PRSS53: variants seen among roughly 807,000 people sequenced by gnomAD.
The protein encoded by PRSS53 is EDTP308.
Under a neutral mutation model 62.7 loss-of-function variants are expected in PRSS53, and 54 were observed. The ratio of observed to expected loss-of-function variants is 0.86; its 90% CI spans 0.69 to 1.08. The LOEUF is 1.08. Among genes scored for constraint, PRSS53 ranks in the 50% least tolerant of loss-of-function variants. PRSS53 has a pLI of 0.00. For missense variants in PRSS53, 688 were observed against 728.3 expected (o/e 0.94, Z 0.64); for synonymous variants, 273 against 300.0 (o/e 0.91, Z 0.93).
exon 4 of PRSS53, chr16:31,086,819 C>G: frequency 4.3e-6 from 7 of 1,613,752 alleles, no homozygotes; most frequent in Non-Finnish European, 5.9e-6. Flanking sequence ...ACCCCCACCT[C>G]TTCGGCCCCA....
chr16:31,086,434 C>CA lies in PRSS53; in HGVS notation c.565dup (p.Cys189LeufsTer46). 6.2e-7 allele frequency: 1 copy of CA among 1,613,534 alleles called. No homozygotes were observed. Among genetic ancestry groups the CA allele is most frequent in the South Asian group, 1.1e-5 (1 of 91,082 alleles). On this transcript the variant is annotated frameshift_variant, in exon 5 of 11. Transcript: ENST00000280606. LOFTEE classifies it high-confidence loss of function. Reference sequence around the variant, plus strand: ...TCGCTGGTGCAGCTGGTTGTAGATACAGTTACATGTGGGGCGACTGATGAG... The same window carrying CA: ...TCGCTGGTGCAGCTGGTTGTAGATACAAGTTACATGTGGGGCGACTGATGAG...
At chr16:31,088,266 C>T in intron 1 of PRSS53, 1 of 1,136,470 alleles carries the variant, frequency 8.8e-7, no homozygotes, top group Non-Finnish European at 1.1e-6. Flanking sequence ...GGAGACTTAC[C>T]TCACCCTGGT....
rs1051052208 is a variant in PRSS53 at position 31,086,848 on chromosome 16, T to G, written c.293A>C (p.Gln98Pro). Reference sequence around the variant, plus strand: ...GGCCCCAGGGCTGAGTCCCTCACGCTGCAGAGAACCCAGGACCACTGACCA... The same window carrying G: ...GGCCCCAGGGCTGAGTCCCTCACGCGGCAGAGAACCCAGGACCACTGACCA... The change falls in exon 4 of 11, where the codon CAG (glutamine) becomes CCG (proline). Residue 98 changes from glutamine to proline, a missense_variant. Gln to Pro is a moderately conservative substitution (Grantham distance 76). Transcript: ENST00000280606. 1.3e-5 allele frequency: 21 copies of G among 1,611,048 alleles called. No individual in the cohort carries two copies. The Admixed American group carries it at 2.9e-4, about 22-fold the overall frequency.
Position 31,086,803 on chromosome 16 carries a change from GC to G in PRSS53, c.337del (p.Ala113ProfsTer146). On this transcript the variant is annotated frameshift_variant, in exon 4 of 11. Transcript: ENST00000280606. LOFTEE classifies it high-confidence loss of function. ...GTTATAGGCCCTGGGCAACTGCAGG[GC>G]AGCCACCCCCACCTCTTCGGCCCCA... 2 of 1,613,580 alleles carry G rather than the reference GC, an allele frequency of 1.2e-6. No homozygotes were observed. The highest frequency in any genetic ancestry group is 2.2e-5 in the South Asian group (2 of 91,034).
exon 4 of PRSS53, chr16:31,086,663 C>A: frequency 6.5e-7 from 1 of 1,540,928 alleles, no homozygotes. Flanking sequence ...CAGCCAGTGG[C>A]CCAGCAGGAG....
exon 4 of PRSS53, chr16:31,086,817 C>G (rs761160521): frequency 6.2e-7 from 1 of 1,613,720 alleles, no homozygotes; most frequent in South Asian, 1.1e-5. Flanking sequence ...CCACCCCCAC[C>G]TCTTCGGCCC....
chr16:31,088,716 C>G, intron 1 of PRSS53, 36 bp downstream of exon 1: 1 of 1,612,090 alleles, frequency 6.2e-7, no homozygotes, highest in East Asian at 2.2e-5. Flanking sequence ...GAGCCCCCAC[C>G]AGGCCACACC....
At chr16:31,087,225 G>T (rs1196681989) in intron 3 of PRSS53, 4 of 532,148 alleles carry the variant, frequency 7.5e-6, no homozygotes, top group Non-Finnish European at 1.0e-5. Flanking sequence ...TTGAACTCTT[G>T]GGCTCAAGCG....
At chr16:31,083,833 A>C in intron 10 of PRSS53, 24 bp from the exon 11 acceptor site, 2 of 1,613,954 alleles carry the variant, frequency 1.2e-6, no homozygotes, top group Non-Finnish European at 1.7e-6. Context: ...AGGAGGGTGG[A>C]GTTGTCCTCA....
chr16:31,084,029 A>AGCTGGAGTGGGTTAGAACGGCACGTTCTC (rs1326162984), intron 10 of PRSS53, 90 bp downstream of exon 10: 44 of 1,505,690 alleles, frequency 2.9e-5, no homozygotes, highest in Non-Finnish European at 3.8e-5. Context: ...TACCCAAGGC[A>AGCTGGAGTGGGTTAGAACGGCACGTTCTC]GCTGGAGTGG....
Position 31,088,522 on chromosome 16 carries a change from CAA to C in PRSS53, c.58+228_58+229del. ...ACGCAGGCAGCACCTCACACACACA[CAA>C]GACCACAGGCCCCGCCAACGCAAAC... On this transcript the variant is annotated intron_variant, in intron 1 of 10. Coordinates refer to ENST00000280606, the Ensembl canonical transcript of PRSS53. 3 of 1,418,286 alleles carry C rather than the reference CAA, an allele frequency of 2.1e-6. No individual in the cohort carries two copies. In the East Asian group the frequency reaches 7.7e-5, roughly 36 times the overall value. The allele number at this position is 1,418,286 out of a possible 1,614,324, so 87.9% of individuals were successfully genotyped here. A position where few individuals can be genotyped will look rare whatever the true frequency, so the allele number is the denominator to read the frequency against.
chr16:31,088,191 G>C, intron 1 of PRSS53: 1 of 1,219,254 alleles, frequency 8.2e-7, no homozygotes, highest in Non-Finnish European at 1.0e-6. Flanking sequence ...CCTCTTAGCA[G>C]CAGAGGCCTA....
chr16:31,086,662 GC>G lies in PRSS53; in HGVS notation c.478del (p.Ala160ProfsTer99). The G allele has an allele frequency of 6.5e-7, 1 of 1,540,944 alleles. No homozygotes were observed. Among genetic ancestry groups the G allele is most frequent in the Non-Finnish European group, 8.8e-7 (1 of 1,141,328 alleles). ...ACTGGTGTCCTGATCCCAGCCAGTG[GC>G]CCAGCAGGAGGCTCCAAAGGGGAAG... On this transcript the variant is annotated frameshift_variant, in exon 4 of 11. Coordinates refer to ENST00000280606, the Ensembl canonical transcript of PRSS53. LOFTEE classifies it high-confidence loss of function.
intron 1 of PRSS53, chr16:31,088,462 T>C (rs17839568): frequency 0.4 from 522,068 of 1,299,288 alleles, 111,503 homozygotes; most frequent in South Asian, 0.7. Context: ...CCTGACGTCA[T>C]TGTGGAAGTC....
At chr16:31,083,867 T>G in intron 10 of PRSS53, 58 bp from the exon 11 acceptor site, 1 of 1,342,636 alleles carries the variant, frequency 7.4e-7, no homozygotes, top group Non-Finnish European at 1.0e-6. Context: ...GGTCCCTCCC[T>G]CCCTCCCCAT....
At chr16:31,084,221 G>T in exon 10 of PRSS53, 1 of 1,611,686 alleles carries the variant, frequency 6.2e-7, no homozygotes, top group Non-Finnish European at 8.5e-7. Flanking sequence ...TAGGCAGGGA[G>T]CGCGGTGAAG....
rs778137757 is a variant in PRSS53, at chr16:31,084,915, C to G, written c.1144G>C (p.Asp382His). 1 of 1,541,982 alleles carries G rather than the reference C, an allele frequency of 6.5e-7. No individual in the cohort carries two copies. The highest frequency in any genetic ancestry group is 8.8e-7 in the Non-Finnish European group (1 of 1,142,080). ...TGGGCCAGCAGCAGGAGGGCCATGTCGTAGCCCCCCTCAGGGTGGGTGTAG... is the reference window on the plus strand; with the variant it reads ...TGGGCCAGCAGCAGGAGGGCCATGTGGTAGCCCCCCTCAGGGTGGGTGTAG... The change falls in exon 8 of 11, where the codon GAC (aspartate) becomes CAC (histidine). Residue 382 changes from aspartate (D) to histidine (H), a missense_variant. By Grantham distance (81) the Asp-to-His change is moderately conservative. Transcript: ENST00000280606.
At position 31,084,319 on chromosome 16, in the gene PRSS53, G is replaced by A. The variant is rs761455559; in HGVS notation, c.1442C>T (p.Pro481Leu). 9 of 1,612,414 alleles carry A rather than the reference G, an allele frequency of 5.6e-6. No individual in the cohort carries two copies. In the South Asian group the frequency reaches 8.8e-5, roughly 16 times the overall value. The change falls in exon 10 of 11, where the codon CCA (proline) becomes CTA (leucine). Residue 481 changes from proline to leucine, a missense_variant. Pro to Leu is a moderately conservative substitution (Grantham distance 98). Transcript: ENST00000280606. ...TGTGCCCCTCACCTCATGCACCAGTGGTGCCCCAGACAGGCCCTGTCAGGG... is the reference window on the plus strand; with the variant it reads ...TGTGCCCCTCACCTCATGCACCAGTAGTGCCCCAGACAGGCCCTGTCAGGG...
At chr16:31,085,061 G>A in intron 7 of PRSS53, 37 bp from the exon 8 acceptor site, 1 of 1,611,200 alleles carries the variant, frequency 6.2e-7, no homozygotes, top group Non-Finnish European at 8.5e-7. Context: ...CAGGTGACAG[G>A]GCTGCCGGCA....
Sources: gnomAD v4.1 joint callset for allele counts on GRCh38, gnomAD v4.1.1 for gene constraint, MANE v1.5 for transcripts, NCBI Gene and HGNC (gene_info 2026-07-23, HGNC 2026-07-21) for gene names.